CACNA1C: variants seen among roughly 807,000 people sequenced by gnomAD.
CACNA1C encodes voltage-dependent L-type calcium channel subunit alpha-1C.
CACNA1C carries 30 observed loss-of-function variants against 229.0 expected under a neutral mutation model. That is an observed-to-expected ratio of 0.13 (90% confidence interval 0.10 to 0.18). The LOEUF (loss-of-function observed/expected upper bound fraction) is 0.18. Among genes scored for constraint, CACNA1C ranks in the 10% least tolerant of loss-of-function variants. The pLI is 1.00. For synonymous variants in CACNA1C, 1,114 were observed against 1,132.5 expected, an observed-to-expected ratio of 0.98 and a Z score of 0.33; for missense variants, 1,658 against 2,845.0, an observed-to-expected ratio of 0.58 and a Z score of 9.49.
chr12:2,315,418 G>A (rs1209129051), intron 3 of CACNA1C, among the ~76,000 whole-genome samples: 1 of 152,190 alleles, frequency 6.6e-6, no homozygotes, highest in Non-Finnish European at 1.5e-5. Context: ...ATGAATGCCT[G>A]GGTGAACATG....
At chr12:2,307,949 T>C (rs2095175394) in intron 3 of CACNA1C, among the ~76,000 whole-genome samples, 1 of 152,210 alleles carries the variant, frequency 6.6e-6, no homozygotes, top group African/African-American at 2.4e-5. Flanking sequence ...CCAGAGATTA[T>C]GATTTAGGAG....
intron 3 of CACNA1C, among the ~76,000 whole-genome samples, chr12:2,293,946 ACT>A (rs1168182182): frequency 6.6e-6 from 1 of 152,096 alleles, no homozygotes; most frequent in African/African-American, 2.4e-5. Flanking sequence ...TCTTGTAATA[ACT>A]CTAATAGCAA....
chr12:2,115,827 A>G (rs993965574), intron 2 of CACNA1C, among the ~76,000 whole-genome samples: 3 of 152,246 alleles, frequency 2.0e-5, no homozygotes, highest in Non-Finnish European at 4.4e-5. Flanking sequence ...ATAATAAGCA[A>G]CATTTGAGAA....
rs73605774 is a variant in CACNA1C, at chr12:2,343,856, C to T, written c.478-105120C>T. On this transcript the variant is annotated intron_variant, in intron 3 of 46. Coordinates refer to ENST00000399655, the MANE Select transcript of CACNA1C (RefSeq NM_000719.7). The stretch of plus-strand genomic sequence containing the variant: ...GACCGGAGAGGCCAAGGCTCAGAGA[C>T]ACATGCACACACCAAATAAGGGTCT... Among the ~76,000 whole-genome samples, 106 of 152,286 alleles carry T rather than the reference C, an allele frequency of 7.0e-4. 1 individual carries two copies. The highest frequency in any genetic ancestry group is 2.4e-3 in the African/African-American group (99 of 41,540).
chr12:1,983,196 G>A (rs2036647922), intron 1 of CACNA1C, among the ~76,000 whole-genome samples: 1 of 149,734 alleles, frequency 6.7e-6, no homozygotes, highest in Non-Finnish European at 1.5e-5. Flanking sequence ...AGATAATCAG[G>A]TTTTGGTTTC....
chr12:1,992,721 T>G (rs563214463), intron 1 of CACNA1C: 23 of 169,250 alleles, frequency 1.4e-4, no homozygotes, highest in Non-Finnish European at 2.7e-4. Context: ...AGTTACCTAC[T>G]ACGACTTCCA....
At chr12:2,452,132 G>T (rs2099384688) in intron 4 of CACNA1C, among the ~76,000 whole-genome samples, 1 of 152,162 alleles carries the variant, frequency 6.6e-6, no homozygotes, top group African/African-American at 2.4e-5. Flanking sequence ...CCACAAAGCT[G>T]GGGGAGCCTA....
chr12:2,016,863 G>C (rs2045474251), intron 1 of CACNA1C, among the ~76,000 whole-genome samples: 1 of 152,160 alleles, frequency 6.6e-6, no homozygotes, highest in African/African-American at 2.4e-5. Flanking sequence ...AATTGATGTA[G>C]GACGTGGCCT....
chr12:2,069,843 G>A (rs956919648), intron 1 of CACNA1C, among the ~76,000 whole-genome samples: 26 of 151,964 alleles, frequency 1.7e-4, no homozygotes, highest in African/African-American at 5.8e-4. Flanking sequence ...TTCTTGAGAC[G>A]GCGTCACTCT....
chr12:2,183,619 TGAA>T (rs944858471), intron 3 of CACNA1C, among the ~76,000 whole-genome samples: 15 of 151,584 alleles, frequency 9.9e-5, no homozygotes, highest in Non-Finnish European at 1.0e-4. Flanking sequence ...CCCACACAAA[TGAA>T]GATGCATCCT....
rs2094720394 is a variant in CACNA1C at position 2,649,630 on chromosome 12, G to C, written c.3945+1123G>C. Among the ~76,000 whole-genome samples, 1 of 152,180 alleles carries C rather than the reference G, an allele frequency of 6.6e-6. No individual in the cohort carries two copies. Among genetic ancestry groups the C allele is most frequent in the Admixed American group, 6.5e-5 (1 of 15,284 alleles). On this transcript the variant is annotated intron_variant, in intron 31 of 46. Transcript: ENST00000399655. The surrounding 1 kb of genome is among the most constrained non-coding windows in gnomAD (Gnocchi z 4.4). ...AACTGCAGCCACAGGGGAGGGCTCT[G>C]AACAGTGGAATGGAATTCACGCTGC...
At chr12:1,993,715 C>T (rs1318735386) in intron 1 of CACNA1C, among the ~76,000 whole-genome samples, 1 of 151,444 alleles carries the variant, frequency 6.6e-6, no homozygotes, top group African/African-American at 2.4e-5. Flanking sequence ...GGCAGAGTAA[C>T]TACTTTTTAA....
At chr12:2,022,813 T>C (rs1032080403) in intron 1 of CACNA1C, among the ~76,000 whole-genome samples, 2 of 152,200 alleles carry the variant, frequency 1.3e-5, no homozygotes, top group Non-Finnish European at 2.9e-5. Flanking sequence ...GTAATACCCT[T>C]ATATCATCAT....
chr12:2,384,925 G>A (rs1366943913), intron 3 of CACNA1C, among the ~76,000 whole-genome samples: 6 of 152,142 alleles, frequency 3.9e-5, no homozygotes, highest in South Asian at 2.1e-4. Context: ...TGTCCCATTC[G>A]GCTTTATTAG....
intron 3 of CACNA1C, among the ~76,000 whole-genome samples, chr12:2,397,327 G>C (rs565544537): frequency 6.6e-6 from 1 of 152,196 alleles, no homozygotes; most frequent in Admixed American, 6.5e-5. Context: ...TAGAATGGGG[G>C]CTAGATCATT....
chr12:2,106,532 C>A (rs111522703), intron 1 of CACNA1C, among the ~76,000 whole-genome samples: 3 of 98,026 alleles, frequency 3.1e-5, no homozygotes, highest in African/African-American at 8.2e-5. Flanking sequence ...AGCCACTGGG[C>A]GCCCACCCTG....
intron 39 of CACNA1C, among the ~76,000 whole-genome samples, chr12:2,675,018 A>G (rs149149049): frequency 4.3e-4 from 65 of 152,276 alleles, no homozygotes; most frequent in African/African-American, 1.5e-3. Flanking sequence ...GGATTGCTCT[A>G]AGGCCCTCAA....
intron 3 of CACNA1C, among the ~76,000 whole-genome samples, chr12:2,332,902 A>G (rs2096589382): frequency 6.6e-6 from 1 of 152,188 alleles, no homozygotes; most frequent in Non-Finnish European, 1.5e-5. Context: ...TTTTTTTAGT[A>G]ATATCACATT....
At chr12:2,459,423 C>T (rs1024904297) in intron 5 of CACNA1C, among the ~76,000 whole-genome samples, 3 of 152,226 alleles carry the variant, frequency 2.0e-5, no homozygotes, top group African/African-American at 7.2e-5. Flanking sequence ...ACAACATAAG[C>T]AAAGGGAACT....
Sources: allele counts gnomAD v4.1 joint callset (sites outside exome capture counted in the v4.1 genomes callset), GRCh38; gene constraint gnomAD v4.1.1; non-coding constraint Gnocchi (gnomAD v3.1); transcripts MANE v1.5; gene names NCBI Gene and HGNC (gene_info 2026-07-23, HGNC 2026-07-21).